GNE: variants seen among roughly 807,000 people sequenced by gnomAD.
GNE encodes the protein glucosamine (UDP-N-acetyl)-2-epimerase/N-acetylmannosamine kinase, also known as bifunctional UDP-N-acetylglucosamine 2-epimerase/N-acetylmannosamine kinase.
In GNE, 41 loss-of-function variants were observed where a neutral mutation model predicts 61.8. The ratio of observed to expected loss-of-function variants is 0.66; its 90% confidence interval spans 0.52 to 0.86. GNE has a LOEUF of 0.86. GNE is among the 40% of genes least tolerant of loss of function. The pLI, the probability that GNE is intolerant of heterozygous loss-of-function variation, is 0.00. For missense variants in GNE, 608 were observed against 909.1 expected, an observed-to-expected ratio of 0.67 and a Z score of 4.26; for synonymous variants, 264 against 326.4, an observed-to-expected ratio of 0.81 and a Z score of 2.06.
At chr9:36,219,371 A>G (rs1563927724) in intron 10 of GNE, among the ~76,000 whole-genome samples, 2 of 151,062 alleles carry the variant, frequency 1.3e-5, no homozygotes, top group Non-Finnish European at 2.9e-5. Context: ...TCTCTCCTGC[A>G]CTCTCGGCCT....
chr9:36,247,919 G>A (rs913905844), intron 2 of GNE, among the ~76,000 whole-genome samples: 4 of 150,968 alleles, frequency 2.6e-5, no homozygotes, highest in African/African-American at 4.9e-5. Flanking sequence ...CCAGCTACTC[G>A]GAAGGCTAAG....
At chr9:36,226,376 G>T (rs1828865177) in intron 7 of GNE, among the ~76,000 whole-genome samples, 1 of 151,332 alleles carries the variant, frequency 6.6e-6, no homozygotes, top group Admixed American at 6.6e-5. Flanking sequence ...TAGAAACAGG[G>T]TTTCACCATG....
intron 3 of GNE, among the ~76,000 whole-genome samples, chr9:36,239,192 T>C (rs1829531975): frequency 6.6e-6 from 1 of 152,164 alleles, no homozygotes; most frequent in Non-Finnish European, 1.5e-5. Flanking sequence ...TCTTTTTGCT[T>C]ACTCTTGCTT....
At chr9:36,274,068 CTG>C (rs71336439) in intron 1 of GNE, among the ~76,000 whole-genome samples, 1,836 of 142,258 alleles carry the variant, frequency 0.013, 24 homozygotes, top group African/African-American at 0.027. Context: ...GTCTATGGTA[CTG>C]TGTGTGTGTG....
intron 1 of GNE, among the ~76,000 whole-genome samples, chr9:36,254,075 C>T (rs1211582453): frequency 6.6e-6 from 1 of 151,892 alleles, no homozygotes; most frequent in Non-Finnish European, 1.5e-5. Context: ...CATGGTAGCG[C>T]GTGCCTGTAA....
intron 3 of GNE, among the ~76,000 whole-genome samples, chr9:36,239,040 T>C (rs1286476490): frequency 1.3e-5 from 2 of 152,188 alleles, no homozygotes; most frequent in Non-Finnish European, 2.9e-5. Flanking sequence ...CAGTTGGCTG[T>C]AAGTATTTGG....
chr9:36,232,064 T>C (rs1829179817), intron 5 of GNE, among the ~76,000 whole-genome samples: 1 of 152,228 alleles, frequency 6.6e-6, no homozygotes, highest in South Asian at 2.1e-4. Context: ...GTTCTAGCTC[T>C]GCTCTTTCTC....
rs75484394 is a variant in GNE at position 36,242,090 on chromosome 9, T to C, written c.616+3941A>G. 6.1e-3 allele frequency among the ~76,000 whole-genome samples: 930 copies of C among 151,808 alleles called. 10 individuals carry two copies. Among genetic ancestry groups the C allele is most frequent in the African/African-American group, 0.021 (887 of 41,386 alleles). Reference sequence around the variant, plus strand: ...GGCAGAGGTTGCAGTGAGTCGAGACTGCGCTAATGCACTCCAGCCTAGGTG... The same window carrying C: ...GGCAGAGGTTGCAGTGAGTCGAGACCGCGCTAATGCACTCCAGCCTAGGTG... On this transcript the variant is annotated intron_variant, in intron 3 of 11. Coordinates refer to ENST00000642385, the MANE Select transcript of GNE (RefSeq NM_005476.7).
chr9:36,229,731 G>C (rs193218667), intron 5 of GNE, among the ~76,000 whole-genome samples: 1 of 152,128 alleles, frequency 6.6e-6, no homozygotes, highest in South Asian at 2.1e-4. Flanking sequence ...TCATGGATAG[G>C]TCCCTGAGAA....
At chr9:36,275,362 T>C (rs754381857) in intron 1 of GNE, among the ~76,000 whole-genome samples, 3 of 152,166 alleles carry the variant, frequency 2.0e-5, no homozygotes, top group East Asian at 3.9e-4. Flanking sequence ...CATGATGTGA[T>C]TGAAGACAAT....
In GNE at chr9:36,267,253, C is replaced by T. The variant is rs539160131; in HGVS notation, c.51+9641G>A. Reference sequence around the variant, plus strand: ...TAATCACTATTTGTAGCCCCAATTACGAATCAGTTTATCATGCCGACCAGT... The same window carrying T: ...TAATCACTATTTGTAGCCCCAATTATGAATCAGTTTATCATGCCGACCAGT... On this transcript the variant is annotated intron_variant, in intron 1 of 11. Transcript: ENST00000396594. 9.9e-5 allele frequency among the ~76,000 whole-genome samples: 15 copies of T among 152,234 alleles called. No homozygotes were observed. In the South Asian group the frequency reaches 2.7e-3, roughly 27 times the overall value.
At chr9:36,241,933 C>T (rs1404860333) in intron 3 of GNE, among the ~76,000 whole-genome samples, 1 of 151,878 alleles carries the variant, frequency 6.6e-6, no homozygotes, top group East Asian at 1.9e-4. Context: ...GTCAGGAGTT[C>T]GAGACGAACT....
intron 3 of GNE, among the ~76,000 whole-genome samples, chr9:36,245,792 T>C (rs1829847125): frequency 6.6e-6 from 1 of 152,246 alleles, no homozygotes; most frequent in Non-Finnish European, 1.5e-5. Context: ...ATTAAAAGCA[T>C]TCCATTCTAT....
intron 1 of GNE, among the ~76,000 whole-genome samples, 163 bp from the exon 2 acceptor site, chr9:36,249,560 C>T (rs992767263): frequency 1.3e-5 from 2 of 152,114 alleles, no homozygotes; most frequent in African/African-American, 2.4e-5. Flanking sequence ...TTATGTGTGA[C>T]TCTCCCATTG....
chr9:36,218,261 C>A lies in GNE; in HGVS notation c.1855G>T (p.Asp619Tyr). ...AGATGGAGCGCACCCACAGCCTCAT[C>A]TTTTGGCACTGACATCCCTTCCACC... ...LLVEGMSVPKDEAVGALHLIQ... is the reference protein window; with the variant it reads ...LLVEGMSVPKYEAVGALHLIQ... Residue 619 changes from aspartate to tyrosine, a missense_variant, in exon 11 of 12, where the codon GAT becomes TAT. By Grantham distance (160) the Asp-to-Tyr change is radical. Coordinates refer to ENST00000642385, the MANE Select transcript of GNE (RefSeq NM_005476.7). The surrounding 1 kb of genome is among the most constrained non-coding windows in gnomAD (Gnocchi z 4.1). The A allele has an allele frequency of 6.2e-7, 1 of 1,614,062 alleles. No individual in the cohort carries two copies. The highest frequency in any genetic ancestry group is 8.5e-7 in the Non-Finnish European group (1 of 1,179,968).
chr9:36,260,311 G>A (rs987834251), upstream of GNE, among the ~76,000 whole-genome samples: 3 of 149,986 alleles, frequency 2.0e-5, no homozygotes, highest in Middle Eastern at 3.2e-3. Flanking sequence ...AAGAAAGAAA[G>A]AAATGACTTC....
chr9:36,251,709 C>T (rs1488984819), intron 1 of GNE, among the ~76,000 whole-genome samples: 2 of 152,130 alleles, frequency 1.3e-5, no homozygotes, highest in Non-Finnish European at 2.9e-5. Context: ...TCCAGAGACA[C>T]TTCAGTAAGG....
chr9:36,250,895 G>C (rs1050030237), intron 1 of GNE, among the ~76,000 whole-genome samples: 4 of 152,118 alleles, frequency 2.6e-5, no homozygotes, highest in African/African-American at 9.7e-5. Flanking sequence ...TGGCCAGGCT[G>C]GTCTTGAACT....
At chr9:36,272,923 A>T (rs1437642258) in intron 1 of GNE, among the ~76,000 whole-genome samples, 36 of 146,772 alleles carry the variant, frequency 2.5e-4, no homozygotes, top group South Asian at 1.5e-3. Flanking sequence ...AATACAAAAA[A>T]AAAAAAAAAA....
Sources: allele counts gnomAD v4.1 joint callset (sites outside exome capture counted in the v4.1 genomes callset), GRCh38; gene constraint gnomAD v4.1.1; non-coding constraint Gnocchi (gnomAD v3.1); transcripts MANE v1.5; gene names NCBI Gene and HGNC (gene_info 2026-07-23, HGNC 2026-07-21).